Variants in IL1RAPL1 observed in about 807,000 individuals in gnomAD.
IL1RAPL1 encodes interleukin-1 receptor accessory protein-like 1.
IL1RAPL1 carries 3 observed loss-of-function variants against 48.4 expected under a neutral mutation model. The observed-to-expected ratio is 0.06, with a 90% CI of 0.03 to 0.16. The LOEUF (loss-of-function observed/expected upper bound fraction) is 0.16, where lower values mean the gene tolerates loss of function less well. Ranked by LOEUF, IL1RAPL1 falls within the 10% of genes least tolerant of loss-of-function variation. The probability of loss-of-function intolerance (pLI) is 1.00; values close to 1 mark genes in which losing one functional copy is unlikely to be tolerated. For missense variants in IL1RAPL1, 349 were observed against 530.6 expected (o/e 0.66, Z 3.36); for synonymous variants, 185 against 187.7 (o/e 0.99, Z 0.12).
chrX:29,467,679 T>G (rs1439908447), intron 5 of IL1RAPL1, among the ~76,000 whole-genome samples: 1 of 110,977 alleles, frequency 9.0e-6, no homozygotes, highest in Non-Finnish European at 1.9e-5. Context: ...GAAGGTAAAT[T>G]TGTGAGTGGT....
chrX:29,452,104 G>C (rs903563311), intron 5 of IL1RAPL1, among the ~76,000 whole-genome samples: 1 of 111,838 alleles, frequency 8.9e-6, no homozygotes, highest in African/African-American at 3.2e-5. Context: ...ATAACAAAAT[G>C]ATTTTATCAA....
intron 6 of IL1RAPL1, among the ~76,000 whole-genome samples, chrX:29,713,924 G>T (rs1225880173): frequency 8.9e-6 from 1 of 111,765 alleles, no homozygotes; most frequent in Non-Finnish European, 1.9e-5. Context: ...TAAAATGATA[G>T]AACTAGGTAT....
intron 2 of IL1RAPL1, among the ~76,000 whole-genome samples, chrX:28,931,126 A>G (rs963063484): frequency 5.4e-5 from 6 of 111,722 alleles, no homozygotes; most frequent in African/African-American, 2.0e-4. Flanking sequence ...TTAACATAAA[A>G]TCAAGGAAAT....
intron 2 of IL1RAPL1, among the ~76,000 whole-genome samples, chrX:28,874,703 T>G (rs1922322415): frequency 8.9e-6 from 1 of 112,483 alleles, no homozygotes; most frequent in Non-Finnish European, 1.9e-5. Context: ...GTACAAGTGG[T>G]ACTTTGTGTT....
chrX:28,637,881 C>T (rs1934484479), intron 1 of IL1RAPL1, among the ~76,000 whole-genome samples: 1 of 112,320 alleles, frequency 8.9e-6, no homozygotes, highest in Non-Finnish European at 1.9e-5. Flanking sequence ...TAAGGCTTTG[C>T]CTCTGTCTTC....
intron 1 of IL1RAPL1, among the ~76,000 whole-genome samples, chrX:28,671,684 A>G (rs1934947991): frequency 8.9e-6 from 1 of 112,466 alleles, no homozygotes; most frequent in Admixed American, 9.5e-5. Context: ...CTAGACCAGA[A>G]TCTGGGCCAT....
intron 2 of IL1RAPL1, among the ~76,000 whole-genome samples, chrX:28,975,519 T>A (rs930333518): frequency 8.9e-6 from 1 of 112,057 alleles, no homozygotes; most frequent in African/African-American, 3.2e-5. Context: ...CTTTGGGAAT[T>A]TGCTGAAGGA....
intron 2 of IL1RAPL1, among the ~76,000 whole-genome samples, chrX:28,953,516 T>C (rs1468897093): frequency 1.8e-5 from 2 of 111,665 alleles, no homozygotes; most frequent in African/African-American, 3.2e-5. Flanking sequence ...TATTCCATCT[T>C]GTTCTTGAAA....
intron 6 of IL1RAPL1, among the ~76,000 whole-genome samples, chrX:29,802,806 T>TAC (rs1929976311): frequency 1.7e-5 from 1 of 57,775 alleles, no homozygotes; most frequent in Admixed American, 2.0e-4. Flanking sequence ...TATATATATA[T>TAC]ATATGTGTGT....
At chrX:29,254,281 C>A (rs1440944593) in intron 2 of IL1RAPL1, among the ~76,000 whole-genome samples, 1 of 111,594 alleles carries the variant, frequency 9.0e-6, no homozygotes, top group Non-Finnish European at 1.9e-5. Context: ...ACAAATGCCA[C>A]CATCTTTCAA....
chrX:29,803,359 A>G (rs1483356220), intron 6 of IL1RAPL1, among the ~76,000 whole-genome samples: 1 of 84,724 alleles, frequency 1.2e-5, no homozygotes, highest in Non-Finnish European at 2.3e-5. Flanking sequence ...GTATACATGT[A>G]TACACATATG....
chrX:29,005,294 G>A (rs113017229), intron 2 of IL1RAPL1, among the ~76,000 whole-genome samples: 1,168 of 112,198 alleles, frequency 0.01, 18 homozygotes, highest in African/African-American at 0.036. Context: ...ATGATAAGGA[G>A]TGTTGTGAAA....
rs909586985 is a variant in IL1RAPL1 at position 29,497,697 on chromosome X, A to G, written c.703+98389A>G. Among the ~76,000 whole-genome samples, 12 of 111,248 alleles carry G rather than the reference A, an allele frequency of 1.1e-4. No homozygotes were observed. In the Admixed American group the frequency reaches 1.2e-3, roughly 11 times the overall value. ...TTTTGACTAATTTCCTTCCACATTA[A>G]AACTGTGTAGCATTCTTTTCTGGTT... On this transcript the variant is annotated intron_variant, in intron 5 of 10. Transcript: ENST00000378993.
chrX:29,283,682 C>T (rs1396815699), intron 3 of IL1RAPL1, among the ~76,000 whole-genome samples: 1 of 111,742 alleles, frequency 8.9e-6, no homozygotes, highest in Non-Finnish European at 1.9e-5. Context: ...AGAGAATTAC[C>T]ATGTTAGAGA....
intron 3 of IL1RAPL1, among the ~76,000 whole-genome samples, chrX:29,301,200 G>C (rs1196047236): frequency 9.0e-6 from 1 of 111,651 alleles, no homozygotes; most frequent in Non-Finnish European, 1.9e-5. Flanking sequence ...TCCCTCTTTT[G>C]TTTGAATGTG....
intron 2 of IL1RAPL1, among the ~76,000 whole-genome samples, chrX:29,053,577 A>T (rs1193224558): frequency 3.6e-5 from 4 of 111,925 alleles, no homozygotes; most frequent in Non-Finnish European, 3.8e-5. Flanking sequence ...TTGAGTTTTT[A>T]ATAATAGCCA....
At chrX:29,873,702 A>G (rs1027801258) in intron 6 of IL1RAPL1, among the ~76,000 whole-genome samples, 3 of 111,909 alleles carry the variant, frequency 2.7e-5, no homozygotes, top group Non-Finnish European at 5.6e-5. Flanking sequence ...AACAACTTAA[A>G]TGGACCAACA....
At chrX:29,359,938 C>T (rs1352575564) in intron 3 of IL1RAPL1, among the ~76,000 whole-genome samples, 1 of 110,818 alleles carries the variant, frequency 9.0e-6, no homozygotes, top group African/African-American at 3.3e-5. Context: ...ATTCCATTTC[C>T]ACAAAGATCC....
chrX:29,264,481 A>G (rs1484999607), intron 2 of IL1RAPL1, among the ~76,000 whole-genome samples: 1 of 111,235 alleles, frequency 9.0e-6, no homozygotes, highest in Non-Finnish European at 1.9e-5. Context: ...ATCTGTAAGA[A>G]AGCATTATCA....
Sources: gnomAD v4.1 joint callset for allele counts (sites outside exome capture counted in the v4.1 genomes callset) on GRCh38, gnomAD v4.1.1 for gene constraint, MANE v1.5 for transcripts, NCBI Gene and HGNC (gene_info 2026-07-23, HGNC 2026-07-21) for gene names.